The following USP20 variants were observed in gnomAD, a reference collection of about 807,000 sequenced individuals.
USP20 encodes ubiquitin specific peptidase 20.
In USP20, 80 loss-of-function variants were observed where a neutral mutation model predicts 124.2. That is an observed-to-expected ratio of 0.64 (90% confidence interval 0.54 to 0.78). The LOEUF (loss-of-function observed/expected upper bound fraction) is 0.78, where lower values mean the gene tolerates loss of function less well. Ranked by LOEUF, USP20 falls within the 30% of genes least tolerant of loss-of-function variation. The pLI is 0.00. For missense variants in USP20, 1,043 were observed against 1,244.4 expected (o/e 0.84, Z 2.44); for synonymous variants, 481 against 512.3 (o/e 0.94, Z 0.83).
chr9:129,836,545 C>T (rs541162171), intron 1 of USP20, among the ~76,000 whole-genome samples: 126 of 152,170 alleles, frequency 8.3e-4, no homozygotes, highest in African/African-American at 2.9e-3. Flanking sequence ...TGTTACATCT[C>T]ATTGGCTAGG....
rs985846451 is a variant in USP20 at position 129,858,677 on chromosome 9, G to C, written c.330+79G>C. The C allele has an allele frequency of 3.8e-6, 6 of 1,569,546 alleles. No individual in the cohort carries two copies. In the African/African-American group the frequency reaches 6.9e-5, roughly 18 times the overall value. ...AGGCAGTGTGACCTGAGCATCCGTG[G>C]AGCATGGGGCAGTAGGTCCCAGAGG... is the stretch of plus-strand genomic sequence containing the variant. On this transcript the variant is annotated intron_variant, in intron 6 of 25. Transcript: ENST00000372429.
intron 10 of USP20, among the ~76,000 whole-genome samples, chr9:129,866,412 G>A (rs1322249398): frequency 1.3e-5 from 2 of 152,156 alleles, no homozygotes; most frequent in Non-Finnish European, 2.9e-5. Context: ...CACAAAGTGG[G>A]CACTGTTGTC....
chr9:129,846,245 A>ATCT (rs1169724263), intron 1 of USP20, among the ~76,000 whole-genome samples: 1 of 43,378 alleles, frequency 2.3e-5, no homozygotes, highest in Non-Finnish European at 4.1e-5. Context: ...ATATATATAT[A>ATCT]TATTTTTTTT....
chr9:129,838,271 A>G (rs979643989), intron 1 of USP20, among the ~76,000 whole-genome samples: 2 of 151,796 alleles, frequency 1.3e-5, no homozygotes, highest in African/African-American at 4.8e-5. Flanking sequence ...CAAATTCCTA[A>G]CCTTGAGTGA....
intron 10 of USP20, among the ~76,000 whole-genome samples, chr9:129,865,672 G>T (rs561524160): frequency 3.3e-5 from 5 of 152,104 alleles, no homozygotes; most frequent in Admixed American, 1.3e-4. Context: ...TTTTTTTTGT[G>T]GGGGAGGGTG....
At chr9:129,873,074 C>CTTTTTTTTTTT (rs2034200821) in intron 15 of USP20, among the ~76,000 whole-genome samples, 2 of 57,590 alleles carry the variant, frequency 3.5e-5, no homozygotes, top group African/African-American at 4.8e-5. Flanking sequence ...TTTTCTTTTT[C>CTTTTTTTTTTT]TTCTTCTTTT....
Position 129,838,504 on chromosome 9 carries a change from A to G in USP20, c.-129+3005A>G, listed in dbSNP as rs1298805558. Among the ~76,000 whole-genome samples the G allele has an allele frequency of 2.6e-5, 4 of 152,330 alleles. No homozygotes were observed. In the East Asian group the frequency reaches 7.7e-4, roughly 29 times the overall value. ...CCTCTGGGAAAAGGGTGATTTTATC[A>G]TCAACGACTGCTCAAACTGGGTTTG... On this transcript the variant is annotated intron_variant, in intron 1 of 25. Transcript: ENST00000372429.
chr9:129,879,274 T>C lies in USP20; in HGVS notation c.2513-299T>C. 2.4e-6 allele frequency: 1 copy of C among 410,130 alleles called. No individual in the cohort carries two copies. The highest frequency in any genetic ancestry group is 4.5e-5 in the South Asian group (1 of 22,452). 25.4% of individuals were successfully genotyped at this position (410,130 alleles called of 1,614,324 possible). On this transcript the variant is annotated intron_variant, in intron 23 of 25. Coordinates refer to ENST00000372429, the MANE Select transcript of USP20 (RefSeq NM_001110303.4). The surrounding 1 kb of genome is among the most constrained non-coding windows in gnomAD (Gnocchi z 4.2). Reference sequence around the variant, plus strand: ...GGTTGCCGAGGCTAAATGAGATAGCTGGGCAGAGGGGAAGGGGCGTGGTGA... The same window carrying C: ...GGTTGCCGAGGCTAAATGAGATAGCCGGGCAGAGGGGAAGGGGCGTGGTGA...
In USP20 at chr9:129,874,825, G is replaced by A. The variant is rs372009036; in HGVS notation, c.1922-4G>A. On this transcript the variant is annotated splice_region_variant and splice_polypyrimidine_tract_variant and intron_variant, in intron 18 of 25. Coordinates refer to ENST00000372429, the MANE Select transcript of USP20 (RefSeq NM_001110303.4). ...CCTGTGACCCGTCTGCTCTGCCGCC[G>A]CAGGTGGGCACTACATCGCCTACTG... The A allele has an allele frequency of 8.4e-5, 136 of 1,614,036 alleles. No homozygotes were observed. Among genetic ancestry groups the A allele is most frequent in the Middle Eastern group, 1.6e-4 (1 of 6,062 alleles).
intron 3 of USP20, among the ~76,000 whole-genome samples, chr9:129,853,392 G>A (rs1011559946): frequency 3.3e-5 from 5 of 152,130 alleles, no homozygotes; most frequent in African/African-American, 1.2e-4. Context: ...TTCATCATGT[G>A]GCCACAGTGA....
At chr9:129,880,337 C>T in intron 25 of USP20, 48 bp downstream of exon 25, 1 of 1,512,178 alleles carries the variant, frequency 6.6e-7, no homozygotes, top group Non-Finnish European at 8.8e-7. Context: ...GTCCTCTCCT[C>T]ACTCTCCAGA....
At chr9:129,871,802 C>T (rs956283741) in intron 15 of USP20, among the ~76,000 whole-genome samples, 3 of 152,078 alleles carry the variant, frequency 2.0e-5, no homozygotes, top group Admixed American at 6.6e-5. Flanking sequence ...TTGCAACCTC[C>T]ACCTCCTGGG....
Position 129,880,161 on chromosome 9 carries a change from G to A in USP20, c.2633G>A (p.Ser878Asn). 1.2e-6 allele frequency: 2 copies of A among 1,613,990 alleles called. No individual in the cohort carries two copies. The highest frequency in any genetic ancestry group is 3.3e-5 in the Admixed American group (2 of 60,028). Residue 878 changes from serine (S) to asparagine (N), a missense_variant, in exon 25 of 26, where the codon AGC becomes AAC. Transcript: ENST00000372429. Reference sequence around the variant, plus strand: ...GAGGAGACCTGGACCTACCTGAACAGCCTGTATGGAGGTGGCCCCGAGATT... The same window carrying A: ...GAGGAGACCTGGACCTACCTGAACAACCTGTATGGAGGTGGCCCCGAGATT... Reference protein sequence around the residue: ...ISEETWTYLNSLYGGGPEIAI... With the variant: ...ISEETWTYLNNLYGGGPEIAI...
chr9:129,850,718 C>T (rs150856014), intron 2 of USP20, among the ~76,000 whole-genome samples: 107 of 152,154 alleles, frequency 7.0e-4, no homozygotes, highest in African/African-American at 2.4e-3. Flanking sequence ...TTCAATGGCA[C>T]GATGTTGGCT....
chr9:129,868,242 G>C lies in USP20; in HGVS notation c.928G>C (p.Glu310Gln), dbSNP rs1013685842. The C allele has an allele frequency of 6.2e-7, 1 of 1,613,962 alleles. No homozygotes were observed. Among genetic ancestry groups the C allele is most frequent in the Non-Finnish European group, 8.5e-7 (1 of 1,179,924 alleles). Residue 310 changes from glutamate to glutamine, a missense_variant, in exon 11 of 26, where the codon GAG becomes CAG. Transcript: ENST00000372429. ...CGGGGGCAGCTCGCAGGCCGAGACG[G>C]AGCTGCTGATCCCAGATGAGGCGGG... is the stretch of plus-strand genomic sequence containing the variant. Reference protein sequence around the residue: ...RGGGSSQAETELLIPDEAGRA... With the variant: ...RGGGSSQAETQLLIPDEAGRA...
rs1463728693 is a variant in USP20, at chr9:129,879,376, C to T, written c.2513-197C>T. 4 of 592,648 alleles carry T rather than the reference C, an allele frequency of 6.7e-6. No homozygotes were observed. Among genetic ancestry groups the T allele is most frequent in the Non-Finnish European group, 1.2e-5 (4 of 332,098 alleles). 36.7% of individuals were successfully genotyped at this position (592,648 alleles called of 1,614,324 possible). A position where few individuals can be genotyped will look rare whatever the true frequency, so the allele number is the denominator to read the frequency against. On this transcript the variant is annotated intron_variant, in intron 23 of 25. Coordinates refer to ENST00000372429, the MANE Select transcript of USP20 (RefSeq NM_001110303.4). The surrounding 1 kb of genome is among the most constrained non-coding windows in gnomAD (Gnocchi z 4.2). ...CGGCCAGCACAGAGTCTGAGACCAT[C>T]TCGTGTGTCCTGGAAATTCCCTCTG...
intron 1 of USP20, among the ~76,000 whole-genome samples, chr9:129,840,348 G>A (rs1260707239): frequency 6.6e-6 from 1 of 152,160 alleles, no homozygotes; most frequent in Non-Finnish European, 1.5e-5. Flanking sequence ...TGTGAGATGA[G>A]AAACAGCCGC....
Position 129,868,269 on chromosome 9 carries a change from C to G in USP20, c.955C>G (p.Arg319Gly), listed in dbSNP as rs921164752. 2 of 1,613,862 alleles carry G rather than the reference C, an allele frequency of 1.2e-6. No individual in the cohort carries two copies. Among genetic ancestry groups the G allele is most frequent in the African/African-American group, 2.7e-5 (2 of 74,914 alleles). ...GCTGCTGATCCCAGATGAGGCGGGC[C>G]GAGCCATCTCTGAGAAGGAGCGGAT... ...TELLIPDEAG[R>G]AISEKERMKD... is the part of the protein sequence containing the mutation. The change falls in exon 11 of 26, where the codon CGA becomes GGA. Residue 319 changes from arginine to glycine, a missense_variant. Arg to Gly is a moderately radical substitution (Grantham distance 125). Transcript: ENST00000372429.
intron 1 of USP20, among the ~76,000 whole-genome samples, chr9:129,840,129 G>A (rs537623112): frequency 1.3e-5 from 2 of 152,364 alleles, no homozygotes; most frequent in East Asian, 3.9e-4. Context: ...TTGTTGTACA[G>A]TAGGTCCTAC....
Sources: allele counts gnomAD v4.1 joint callset (sites outside exome capture counted in the v4.1 genomes callset), GRCh38; gene constraint gnomAD v4.1.1; non-coding constraint Gnocchi (gnomAD v3.1); transcripts MANE v1.5; gene names NCBI Gene and HGNC (gene_info 2026-07-23, HGNC 2026-07-21).